Variants in SYTL2 observed in about 807,000 individuals in gnomAD.
The protein encoded by SYTL2 is synaptotagmin like 2.
Under a neutral mutation model 198.7 loss-of-function variants are expected in SYTL2, and 165 were observed. That is an observed-to-expected ratio of 0.83 (90% CI 0.73 to 0.94). The LOEUF is 0.94. SYTL2 is among the 40% of genes least tolerant of loss of function. The probability of loss-of-function intolerance (pLI) is 0.00; values close to 1 mark genes in which losing one functional copy is unlikely to be tolerated. For missense variants in SYTL2, 2,835 were observed against 2,582.8 expected (o/e 1.10, Z -2.12); for synonymous variants, 966 against 917.7 (o/e 1.05, Z -0.95).
the SYTL2 span, among the ~76,000 whole-genome samples, chr11:85,835,973 C>T: frequency 6.6e-6 from 1 of 152,132 alleles, no homozygotes; most frequent in African/African-American, 2.4e-5. Flanking sequence ...CCACCTCACC[C>T]CTACATGTGT....
intron 1 of SYTL2, among the ~76,000 whole-genome samples, chr11:85,763,423 A>C (rs2092151435): frequency 6.6e-6 from 1 of 152,252 alleles, no homozygotes; most frequent in African/African-American, 2.4e-5. Flanking sequence ...TGCCTTTGAT[A>C]GGCAGCAAAG....
chr11:85,731,712 CA>C (rs1204031830), intron 7 of SYTL2, among the ~76,000 whole-genome samples: 1 of 152,140 alleles, frequency 6.6e-6, no homozygotes, highest in Non-Finnish European at 1.5e-5. Flanking sequence ...GCAATGGCAA[CA>C]AAAGTCAAAA....
chr11:85,697,951 T>A (rs1223348026), intron 18 of SYTL2, 28 bp downstream of exon 18: 1 of 1,463,384 alleles, frequency 6.8e-7, no homozygotes, highest in Admixed American at 1.7e-5. Context: ...TACAGAACTG[T>A]TGCAGACAGA....
chr11:85,854,614 G>T, the SYTL2 span: 1 of 152,214 alleles, frequency 6.6e-6, no homozygotes, highest in African/African-American at 2.4e-5. Context: ...TAAAACCAAA[G>T]AATTAGTGCA....
rs1196458055 is a variant in SYTL2 at position 85,725,372 on chromosome 11, T to C, written c.3986A>G (p.Gln1329Arg). Residue 1329 changes from glutamine (Q) to arginine (R), a missense_variant, in exon 8 of 20, where the codon CAA becomes CGA. Coordinates refer to ENST00000359152, the MANE Select transcript of SYTL2 (RefSeq NM_206927.4). ...GSFGDVASPP[Q>R]DMLFPQDAHL... The stretch of plus-strand genomic sequence containing the variant: ...AGCATCCTGGGGAAAAAGCATATCT[T>C]GGGGAGGGCTGGCCACATCCCCAAA... 3 of 1,613,986 alleles carry C rather than the reference T, an allele frequency of 1.9e-6. No homozygotes were observed. Among genetic ancestry groups the C allele is most frequent in the Admixed American group, 3.3e-5 (2 of 60,026 alleles).
rs978881405 is a variant in SYTL2, at chr11:85,718,841, G to A, written c.5431C>T (p.Gln1811Ter). 1 of 1,613,616 alleles carries A rather than the reference G, an allele frequency of 6.2e-7. No homozygotes were observed. Among genetic ancestry groups the A allele is most frequent in the Non-Finnish European group, 8.5e-7 (1 of 1,179,810 alleles). ...TCTGGCTGATTATCTACTTTTGCTT[G>A]ATCTGTTCAGAAGAAATTAACAAAT... is the stretch of plus-strand genomic sequence containing the variant. ...LEDISSDSSN[Q>*]AKVDNQPEEL... Residue 1811 changes from glutamine (Q) to a stop codon, truncating the protein, a stop_gained and splice_region_variant, in exon 10 of 20, where the codon CAA becomes TAA. Transcript: ENST00000359152. LOFTEE classifies it high-confidence loss of function.
chr11:85,736,221 G>A (rs2090326695), intron 6 of SYTL2, among the ~76,000 whole-genome samples: 1 of 152,058 alleles, frequency 6.6e-6, no homozygotes, highest in Non-Finnish European at 1.5e-5. Flanking sequence ...GAATGTCTTG[G>A]GTCAAAAAAT....
At chr11:85,717,398 G>A (rs375601237) in intron 11 of SYTL2, 85 bp downstream of exon 11, 6 of 1,138,888 alleles carry the variant, frequency 5.3e-6, no homozygotes, top group Admixed American at 5.2e-5. Flanking sequence ...TAAATACTGT[G>A]TTATTAATGG....
the SYTL2 span, chr11:85,854,151 G>A: frequency 2.6e-5 from 4 of 152,156 alleles, no homozygotes; most frequent in Non-Finnish European, 5.9e-5. Context: ...TTACAAGCAT[G>A]AGCCACCGCG....
the SYTL2 span, among the ~76,000 whole-genome samples, chr11:85,833,816 G>A: frequency 6.8e-6 from 1 of 146,666 alleles, no homozygotes; most frequent in African/African-American, 2.5e-5. Context: ...GTGGCTCACT[G>A]CAACCTCCGC....
intron 17 of SYTL2, 48 bp from the exon 18 acceptor site, chr11:85,698,126 G>T: frequency 1.6e-6 from 2 of 1,264,268 alleles, no homozygotes; most frequent in Non-Finnish European, 2.3e-6. Context: ...TTCTCCCTTG[G>T]CAATACTGCG....
Position 85,784,442 on chromosome 11 carries a change from G to A in SYTL2, c.-389-26328C>T, listed in dbSNP as rs560869513. Among the ~76,000 whole-genome samples the A allele has an allele frequency of 1.5e-4, 22 of 151,580 alleles. No homozygotes were observed. In the South Asian group the frequency reaches 3.3e-3, roughly 23 times the overall value. ...ATAAGTAAAATAACAGAGATGTGAAGAAAAAAAATCCCATCTAAAGATATG... is the reference window on the plus strand; with the variant it reads ...ATAAGTAAAATAACAGAGATGTGAAAAAAAAAAATCCCATCTAAAGATATG... On this transcript the variant is annotated intron_variant, in intron 1 of 19. Transcript: ENST00000359152.
chr11:85,760,732 T>C (rs773311851), intron 1 of SYTL2, among the ~76,000 whole-genome samples: 3 of 152,102 alleles, frequency 2.0e-5, no homozygotes, highest in African/African-American at 4.8e-5. Flanking sequence ...ATGGGCAACA[T>C]TGGCTTCCAC....
chr11:85,734,720 T>C lies in SYTL2; in HGVS notation c.609A>G (p.Glu203=). ...TTGAAGTATCTGCGACAGTTGACTT[T>C]TCTTTTGACTCTGACAATTCATCTG... ...SKEDELSESK[E]KSTVADTSIQ... Residue 203 remains glutamate (E), a synonymous_variant, in exon 7 of 20, where the codon GAA becomes GAG. Coordinates refer to ENST00000359152, the MANE Select transcript of SYTL2 (RefSeq NM_206927.4). 1 of 1,612,752 alleles carries C rather than the reference T, an allele frequency of 6.2e-7. No individual in the cohort carries two copies. Among genetic ancestry groups the C allele is most frequent in the Non-Finnish European group, 8.5e-7 (1 of 1,179,536 alleles).
rs764955302 is a variant in SYTL2 at position 85,727,640 on chromosome 11, G to A, written c.1718C>T (p.Ser573Leu). The change falls in exon 8 of 20, where the codon TCA becomes TTA. Residue 573 changes from serine to leucine, a missense_variant. Ser to Leu is a moderately radical substitution (Grantham distance 145, BLOSUM62 -2). Transcript: ENST00000359152. ...TDDTTLRENG[S>L]KTLSPSKIEL... ...AATTTTGCTGGGTGATAGGGTCTTTGAGCCATTTTCTCTTAAAGTAGTGTC... is the reference window on the plus strand; with the variant it reads ...AATTTTGCTGGGTGATAGGGTCTTTAAGCCATTTTCTCTTAAAGTAGTGTC... The A allele has an allele frequency of 6.5e-7, 1 of 1,536,330 alleles. No individual in the cohort carries two copies. The highest frequency in any genetic ancestry group is 8.7e-7 in the Non-Finnish European group (1 of 1,146,800).
chr11:85,819,564 T>C, the SYTL2 span, among the ~76,000 whole-genome samples: 33 of 152,204 alleles, frequency 2.2e-4, no homozygotes, highest in Non-Finnish European at 3.8e-4. Context: ...TCCCAAGCAT[T>C]GCAAGAGTCA....
At chr11:85,766,776 A>T (rs1161159531) in intron 1 of SYTL2, among the ~76,000 whole-genome samples, 2 of 152,232 alleles carry the variant, frequency 1.3e-5, no homozygotes, top group Non-Finnish European at 2.9e-5. Flanking sequence ...CAGAGCAGAA[A>T]GGCAGTGGGC....
chr11:85,723,830 T>A (rs990319239), intron 8 of SYTL2, among the ~76,000 whole-genome samples: 1 of 140,654 alleles, frequency 7.1e-6, no homozygotes, highest in Non-Finnish European at 1.5e-5. Context: ...GAATTTAACA[T>A]CATTTAAGAA....
chr11:85,743,007 A>G (rs908259976), intron 4 of SYTL2, among the ~76,000 whole-genome samples: 2 of 152,206 alleles, frequency 1.3e-5, no homozygotes, highest in African/African-American at 2.4e-5. Context: ...ACAGTGTTTT[A>G]CTTCTTCATG....
Sources: gnomAD v4.1 joint callset for allele counts (sites outside exome capture counted in the v4.1 genomes callset) on GRCh38, gnomAD v4.1.1 for gene constraint, MANE v1.5 for transcripts, NCBI Gene and HGNC (gene_info 2026-07-23, HGNC 2026-07-21) for gene names.